The following FKBP5 variants were observed in gnomAD, a reference collection of about 807,000 sequenced individuals.
FKBP5 encodes peptidyl-prolyl cis-trans isomerase FKBP5.
Under a neutral mutation model 50.5 loss-of-function variants are expected in FKBP5, and 23 were observed. The ratio of observed to expected loss-of-function variants is 0.46; its 90% CI spans 0.33 to 0.65. FKBP5 has a LOEUF of 0.65. Among genes scored for constraint, FKBP5 ranks in the 30% least tolerant of loss-of-function variants. The pLI, the probability that FKBP5 is intolerant of heterozygous loss-of-function variation, is 0.02. For missense variants in FKBP5, 411 were observed against 553.1 expected (o/e 0.74, Z 2.58); for synonymous variants, 176 against 190.6 (o/e 0.92, Z 0.63).
At chr6:35,614,050 C>T (rs1310444484) in intron 5 of FKBP5, among the ~76,000 whole-genome samples, 1 of 152,116 alleles carries the variant, frequency 6.6e-6, no homozygotes, top group Non-Finnish European at 1.5e-5. Flanking sequence ...CATGTGCCAT[C>T]ACATGTGGCT....
intron 2 of FKBP5, among the ~76,000 whole-genome samples, chr6:35,704,184 C>T (rs1766239254): frequency 6.6e-6 from 1 of 152,162 alleles, no homozygotes; most frequent in Non-Finnish European, 1.5e-5. Flanking sequence ...AAATTTCTCT[C>T]CCCTCCACAC....
upstream of FKBP5, among the ~76,000 whole-genome samples, chr6:35,689,140 G>T (rs970817792): frequency 6.6e-6 from 1 of 152,200 alleles, no homozygotes; most frequent in Non-Finnish European, 1.5e-5. Context: ...GCCAGCCCAC[G>T]TGTCTGGCCC....
intron 5 of FKBP5, among the ~76,000 whole-genome samples, chr6:35,612,338 C>T (rs1014741708): frequency 2.0e-5 from 3 of 152,104 alleles, no homozygotes; most frequent in African/African-American, 7.2e-5. Flanking sequence ...TTGCAGTGAG[C>T]TAAGATGCGC....
intron 2 of FKBP5, among the ~76,000 whole-genome samples, chr6:35,694,537 A>G (rs1766052604): frequency 6.6e-6 from 1 of 152,194 alleles, no homozygotes; most frequent in South Asian, 2.1e-4. Context: ...TTTAAGTAAC[A>G]ATAGTAATAT....
intron 5 of FKBP5, among the ~76,000 whole-genome samples, 185 bp downstream of exon 5, chr6:35,618,911 G>T (rs1384130706): frequency 6.6e-6 from 1 of 151,918 alleles, no homozygotes; most frequent in East Asian, 1.9e-4. Flanking sequence ...GGCCAGGCTG[G>T]TCTCAAACTC....
intron 1 of FKBP5, among the ~76,000 whole-genome samples, chr6:35,727,823 C>T (rs1766749874): frequency 6.6e-6 from 1 of 152,154 alleles, no homozygotes; most frequent in Non-Finnish European, 1.5e-5. Context: ...TCGTAGAGCT[C>T]CCCACACCTG....
At chr6:35,644,047 A>G (rs1027335212) in intron 1 of FKBP5, among the ~76,000 whole-genome samples, 1 of 152,224 alleles carries the variant, frequency 6.6e-6, no homozygotes. Context: ...TGTGATTAGA[A>G]TAAAAATATC....
rs1440906949 is a variant in FKBP5 at position 35,577,083 on chromosome 6, T to TG, written c.1176dup (p.Met393HisfsTer35). On this transcript the variant is annotated frameshift_variant, in exon 10 of 11. Coordinates refer to ENST00000357266, the MANE Select transcript of FKBP5 (RefSeq NM_004117.4). LOFTEE classifies it high-confidence loss of function. ...TGCTCCTTGGCCTTTTTCTGGCACA[T>TG]GGAGATCTGCAGTCTTGCAGCCTTA... 1 of 1,614,144 alleles carries TG rather than the reference T, an allele frequency of 6.2e-7. No individual in the cohort carries two copies. Among genetic ancestry groups the TG allele is most frequent in the Non-Finnish European group, 8.5e-7 (1 of 1,180,002 alleles).
chr6:35,591,686 A>T (rs756431887), intron 6 of FKBP5, among the ~76,000 whole-genome samples: 1 of 152,234 alleles, frequency 6.6e-6, no homozygotes, highest in Non-Finnish European at 1.5e-5. Context: ...TTAACTTTAA[A>T]GTGCTGTCAC....
chr6:35,610,293 G>A (rs759077133), intron 5 of FKBP5, among the ~76,000 whole-genome samples: 6 of 152,028 alleles, frequency 3.9e-5, no homozygotes, highest in African/African-American at 9.7e-5. Flanking sequence ...AAGGCCGGGC[G>A]TGGTGGTTCA....
At chr6:35,657,983 C>A (rs1764999170) in intron 1 of FKBP5, among the ~76,000 whole-genome samples, 1 of 151,476 alleles carries the variant, frequency 6.6e-6, no homozygotes, top group Non-Finnish European at 1.5e-5. Context: ...GTAATCCCAG[C>A]ACTTTGGGAG....
chr6:35,598,488 G>T (rs1016905875), intron 5 of FKBP5, among the ~76,000 whole-genome samples: 3 of 151,950 alleles, frequency 2.0e-5, no homozygotes, highest in East Asian at 1.9e-4. Flanking sequence ...CTCCCAAAGC[G>T]CTGGGATTAC....
intron 8 of FKBP5, 107 bp from the exon 9 acceptor site, chr6:35,580,328 GTTTC>G: frequency 1.1e-6 from 1 of 876,762 alleles, no homozygotes; most frequent in Non-Finnish European, 1.8e-6. Flanking sequence ...GGTACAGCTG[GTTTC>G]TTTCTTTCCT....
At chr6:35,624,418 C>T (rs1763933629) in intron 3 of FKBP5, among the ~76,000 whole-genome samples, 1 of 152,116 alleles carries the variant, frequency 6.6e-6, no homozygotes, top group African/African-American at 2.4e-5. Flanking sequence ...AGAAGAATTG[C>T]TTGAACCTGG....
intron 5 of FKBP5, among the ~76,000 whole-genome samples, chr6:35,616,676 A>G (rs974749301): frequency 2.6e-5 from 4 of 152,180 alleles, no homozygotes; most frequent in Non-Finnish European, 4.4e-5. Flanking sequence ...TCATCTCCAC[A>G]GCGGTAATTT....
At chr6:35,620,025 T>C (rs1159673052) in intron 4 of FKBP5, 107 bp downstream of exon 4, 42 of 1,361,022 alleles carry the variant, frequency 3.1e-5, no homozygotes, top group Non-Finnish European at 7.2e-6. Context: ...GTAAGTTGGA[T>C]CTGATTCTCT....
chr6:35,595,169 T>C (rs940324600), intron 6 of FKBP5, among the ~76,000 whole-genome samples: 16 of 152,222 alleles, frequency 1.1e-4, no homozygotes, highest in African/African-American at 3.1e-4. Context: ...GTGTAACCAC[T>C]AATGATACAA....
chr6:35,669,140 A>G (rs1436165489), intron 1 of FKBP5, among the ~76,000 whole-genome samples: 1 of 152,200 alleles, frequency 6.6e-6, no homozygotes, highest in Non-Finnish European at 1.5e-5. Flanking sequence ...TCAGTGTATG[A>G]AAACAGAAGT....
intron 9 of FKBP5, among the ~76,000 whole-genome samples, chr6:35,578,449 A>G (rs1728606464): frequency 6.6e-6 from 1 of 152,146 alleles, no homozygotes. Context: ...AACCTTCTTT[A>G]AAGAGAAAGA....
Sources: gnomAD v4.1 joint callset for allele counts (sites outside exome capture counted in the v4.1 genomes callset) on GRCh38, gnomAD v4.1.1 for gene constraint, MANE v1.5 for transcripts, NCBI Gene and HGNC (gene_info 2026-07-23, HGNC 2026-07-21) for gene names.